NTM: variants seen among roughly 807,000 people sequenced by gnomAD.
NTM encodes the protein neurotrimin.
NTM carries 13 observed loss-of-function variants against 42.1 expected under a neutral mutation model. That is an observed-to-expected ratio of 0.31 (90% CI 0.20 to 0.49). NTM has a LOEUF of 0.49. NTM is among the 20% of genes least tolerant of loss of function. The pLI, the probability that NTM is intolerant of heterozygous loss-of-function variation, is 0.99. For missense variants in NTM, 373 were observed against 452.8 expected (o/e 0.82, Z 1.60); for synonymous variants, 187 against 179.2 (o/e 1.04, Z -0.35).
At chr11:132,282,388 T>C (rs1378548540) in intron 4 of NTM, among the ~76,000 whole-genome samples, 2 of 152,210 alleles carry the variant, frequency 1.3e-5, no homozygotes, top group Non-Finnish European at 2.9e-5. Flanking sequence ...GAAATAGCTA[T>C]AAATTGTTCT....
In NTM at chr11:131,515,944, G is replaced by A. The variant is rs193075993; in HGVS notation, c.82+145056G>A. Among the ~76,000 whole-genome samples the A allele has an allele frequency of 3.9e-5, 6 of 152,220 alleles. No homozygotes were observed. The East Asian group carries it at 9.6e-4, about 24-fold the overall frequency. ...GTGGAGAAATAGTCACAAAGATAAG[G>A]CTTTTGCATGTGGACTTATATGGAA... On this transcript the variant is annotated intron_variant, in intron 1 of 8. Transcript: ENST00000683400.
At chr11:131,835,414 A>C (rs1229240634) in intron 1 of NTM, among the ~76,000 whole-genome samples, 1 of 152,210 alleles carries the variant, frequency 6.6e-6, no homozygotes, top group Non-Finnish European at 1.5e-5. Context: ...AAAAATATAA[A>C]GACAGACATT....
intron 1 of NTM, among the ~76,000 whole-genome samples, chr11:131,517,695 C>T (rs1003837096): frequency 2.6e-5 from 4 of 152,152 alleles, no homozygotes; most frequent in Non-Finnish European, 2.9e-5. Flanking sequence ...CCTTCTAGTC[C>T]GCAGCATGGT....
chr11:132,119,893 T>C (rs2064488673), intron 2 of NTM, among the ~76,000 whole-genome samples: 1 of 152,262 alleles, frequency 6.6e-6, no homozygotes. Flanking sequence ...GAGAATGGCA[T>C]GGCTGCCTTG....
chr11:131,413,217 A>G (rs765536421), intron 1 of NTM, among the ~76,000 whole-genome samples: 1 of 152,202 alleles, frequency 6.6e-6, no homozygotes, highest in Non-Finnish European at 1.5e-5. Context: ...TTGCAAAAAT[A>G]TTGTTATCCA....
intron 1 of NTM, among the ~76,000 whole-genome samples, chr11:131,380,062 C>T (rs943575882): frequency 6.6e-6 from 1 of 152,188 alleles, no homozygotes; most frequent in East Asian, 1.9e-4. Flanking sequence ...TCCATGGCCT[C>T]TTTGGGGTTT....
chr11:132,044,613 T>A (rs2135831061), intron 2 of NTM, among the ~76,000 whole-genome samples: 1 of 152,190 alleles, frequency 6.6e-6, no homozygotes, highest in Middle Eastern at 3.4e-3. Context: ...CCCATTGCTA[T>A]CATGGGTGTG....
At position 131,638,552 on chromosome 11, in the gene NTM, C is replaced by T. The variant is rs369209209; in HGVS notation, c.82+267664C>T. Among the ~76,000 whole-genome samples the T allele has an allele frequency of 4.1e-4, 49 of 120,980 alleles. No homozygotes were observed. The South Asian group carries it at 0.01, about 25-fold the overall frequency. 79.4% of individuals were successfully genotyped at this position (120,980 alleles called of 152,430 possible). On this transcript the variant is annotated intron_variant, in intron 1 of 8. Coordinates refer to ENST00000683400, the MANE Select transcript of NTM (RefSeq NM_001352005.2). ...TTGCATTCCAGCCTAGGTGACACAGCGAGACTCCTTCAAAAAAAAAAAAAA... is the reference window on the plus strand; with the variant it reads ...TTGCATTCCAGCCTAGGTGACACAGTGAGACTCCTTCAAAAAAAAAAAAAA...
At chr11:131,542,145 T>C (rs917337866) in intron 1 of NTM, among the ~76,000 whole-genome samples, 5 of 152,188 alleles carry the variant, frequency 3.3e-5, no homozygotes, top group Non-Finnish European at 7.3e-5. Flanking sequence ...TATTTCCATG[T>C]GTTGTTTGCA....
intron 1 of NTM, among the ~76,000 whole-genome samples, chr11:131,723,291 G>A (rs1433881030): frequency 2.0e-5 from 3 of 152,236 alleles, no homozygotes; most frequent in South Asian, 2.1e-4. Flanking sequence ...ACTGCAGCCC[G>A]CTATTGTTCC....
At chr11:132,086,638 A>G (rs2059751515) in intron 2 of NTM, among the ~76,000 whole-genome samples, 1 of 152,366 alleles carries the variant, frequency 6.6e-6, no homozygotes, top group Admixed American at 6.5e-5. Context: ...ACACCAGATT[A>G]GCTACAGCTT....
intron 1 of NTM, among the ~76,000 whole-genome samples, chr11:131,748,920 G>C (rs532190350): frequency 6.6e-6 from 1 of 152,186 alleles, no homozygotes; most frequent in African/African-American, 2.4e-5. Context: ...TGACATCAGA[G>C]GGGCCCCGGC....
intron 2 of NTM, among the ~76,000 whole-genome samples, chr11:132,132,677 A>C (rs772995955): frequency 1.3e-4 from 20 of 152,174 alleles, no homozygotes; most frequent in Non-Finnish European, 2.6e-4. Flanking sequence ...TTACAATAAG[A>C]ACAGGGTGGG....
In NTM at chr11:131,925,383, CTTTTTTT is replaced by C. The variant is rs61493262; in HGVS notation, c.167+13750_167+13756del. On this transcript the variant is annotated intron_variant, in intron 2 of 8. Coordinates refer to ENST00000683400, the MANE Select transcript of NTM (RefSeq NM_001352005.2). Reference sequence around the variant, plus strand: ...TTCCTTTTTTTTTTCTTTCTTTTCTCTTTTTTTTTTTTTTTTTTTTTAACAGGGTCTC... The same window carrying C: ...TTCCTTTTTTTTTTCTTTCTTTTCTCTTTTTTTTTTTTTTAACAGGGTCTC... Among the ~76,000 whole-genome samples the C allele has an allele frequency of 7.8e-4, 87 of 111,446 alleles. 2 individuals carry two copies. The highest frequency in any genetic ancestry group is 1.2e-3 in the African/African-American group (34 of 28,176). 73.1% of individuals were successfully genotyped at this position (111,446 alleles called of 152,430 possible). A position where few individuals can be genotyped will look rare whatever the true frequency, so the allele number is the denominator to read the frequency against.
intron 1 of NTM, among the ~76,000 whole-genome samples, chr11:131,710,129 A>G (rs1467802477): frequency 2.0e-5 from 3 of 152,160 alleles, no homozygotes; most frequent in African/African-American, 7.2e-5. Context: ...TGAGAGACAG[A>G]AAGGCTGAAC....
intron 3 of NTM, among the ~76,000 whole-genome samples, chr11:132,210,433 G>C (rs952695308): frequency 2.0e-5 from 3 of 152,132 alleles, no homozygotes; most frequent in African/African-American, 7.2e-5. Context: ...AATATTTGTT[G>C]AGCTCTTAGC....
At chr11:132,169,320 CTTTTTTTTTTTTTTTTTTTTT>C (rs567723794) in intron 3 of NTM, among the ~76,000 whole-genome samples, 1 of 32,358 alleles carries the variant, frequency 3.1e-5, no homozygotes. Flanking sequence ...AATTTTTTTA[CTTTTTTTTTTTTTTTTTTTTT>C]TTTTTTTTTT....
chr11:131,576,251 C>G (rs1473012996), intron 1 of NTM, among the ~76,000 whole-genome samples: 1 of 152,198 alleles, frequency 6.6e-6, no homozygotes, highest in Non-Finnish European at 1.5e-5. Context: ...CTTTTCAACT[C>G]TTCTCCAGCA....
intron 1 of NTM, among the ~76,000 whole-genome samples, chr11:131,783,683 C>A (rs1360065541): frequency 1.3e-5 from 2 of 152,046 alleles, no homozygotes; most frequent in Non-Finnish European, 2.9e-5. Flanking sequence ...AATTATACAA[C>A]TTCTAGAAAA....
Sources: allele counts gnomAD v4.1 joint callset (sites outside exome capture counted in the v4.1 genomes callset), GRCh38; gene constraint gnomAD v4.1.1; transcripts MANE v1.5; gene names NCBI Gene and HGNC (gene_info 2026-07-23, HGNC 2026-07-21).